The following SLC44A3 variants were observed in gnomAD, a reference collection of about 807,000 sequenced individuals.
SLC44A3 encodes the protein choline transporter-like protein 3.
SLC44A3 carries 74 observed loss-of-function variants against 75.4 expected under a neutral mutation model. The observed-to-expected ratio is 0.98, with a 90% CI of 0.81 to 1.19. The LOEUF is 1.19. SLC44A3 is among the 50% of genes most tolerant of loss of function. The probability of loss-of-function intolerance (pLI) is 0.00; values close to 1 mark genes in which losing one functional copy is unlikely to be tolerated. For missense variants in SLC44A3, 700 were observed against 778.6 expected (o/e 0.90, Z 1.20); for synonymous variants, 310 against 296.9 (o/e 1.04, Z -0.45).
At chr1:94,864,987 G>T in intron 11 of SLC44A3, 88 bp downstream of exon 11, 1 of 1,429,502 alleles carries the variant, frequency 7.0e-7, no homozygotes. Context: ...TCCCAGGACA[G>T]AAATGTGACC....
At chr1:94,886,761 T>A (rs559107388) in intron 12 of SLC44A3, among the ~76,000 whole-genome samples, 2 of 152,258 alleles carry the variant, frequency 1.3e-5, no homozygotes, top group East Asian at 3.9e-4. Flanking sequence ...CAGTCCCAGG[T>A]GACCAGTCCA....
At chr1:94,868,083 A>G (rs985564409) in intron 12 of SLC44A3, among the ~76,000 whole-genome samples, 1 of 152,204 alleles carries the variant, frequency 6.6e-6, no homozygotes, top group Admixed American at 6.5e-5. Flanking sequence ...TAAAAATTAT[A>G]TCTTGCAATT....
intron 9 of SLC44A3, among the ~76,000 whole-genome samples, chr1:94,850,603 T>A (rs1665100360): frequency 6.6e-6 from 1 of 152,212 alleles, no homozygotes; most frequent in African/African-American, 2.4e-5. Flanking sequence ...TCCATAGGTT[T>A]CCCATCAAAT....
At chr1:94,850,187 T>A (rs2101148030) in intron 9 of SLC44A3, among the ~76,000 whole-genome samples, 1 of 152,282 alleles carries the variant, frequency 6.6e-6, no homozygotes, top group East Asian at 1.9e-4. Context: ...AATTCTGACT[T>A]GTTTGGGGAT....
chr1:94,857,462 G>A lies in SLC44A3; in HGVS notation c.1200G>A (p.Met400Ile), dbSNP rs1477051902. ...TSEFILACQQ[M>I]TIAGAVVTCY... ...AATTCATCCTTGCGTGCCAGCAAATGACTATAGCTGGGGCAGTGGTTACTT... is the reference window on the plus strand; with the variant it reads ...AATTCATCCTTGCGTGCCAGCAAATAACTATAGCTGGGGCAGTGGTTACTT... The change falls in exon 10 of 15, where the codon ATG (methionine) becomes ATA (isoleucine). Residue 400 changes from methionine (M) to isoleucine (I), a missense_variant. Transcript: ENST00000271227. 3.7e-6 allele frequency: 6 copies of A among 1,613,492 alleles called. No individual in the cohort carries two copies. In the African/African-American group the frequency reaches 6.7e-5, roughly 18 times the overall value.
intron 10 of SLC44A3, among the ~76,000 whole-genome samples, chr1:94,860,998 G>A (rs757714926): frequency 2.3e-4 from 35 of 152,268 alleles, no homozygotes; most frequent in South Asian, 1.0e-3. Context: ...GTTCGAACAC[G>A]TTAAGAAAAG....
chr1:94,847,247 G>A (rs1287686105), intron 9 of SLC44A3, among the ~76,000 whole-genome samples: 4 of 152,204 alleles, frequency 2.6e-5, no homozygotes, highest in South Asian at 2.1e-4. Flanking sequence ...GTTCTCTAGC[G>A]CTCAAGGACT....
At chr1:94,879,513 CAG>C (rs1165804315) in intron 12 of SLC44A3, among the ~76,000 whole-genome samples, 1 of 132,552 alleles carries the variant, frequency 7.5e-6, no homozygotes, top group African/African-American at 2.9e-5. Context: ...GCCTGGGCGA[CAG>C]AGCGAGACTC....
intron 9 of SLC44A3, among the ~76,000 whole-genome samples, chr1:94,846,148 A>AAG (rs1165262177): frequency 8.9e-6 from 1 of 111,890 alleles, no homozygotes; most frequent in Non-Finnish European, 2.0e-5. Flanking sequence ...CTCTGTCTCA[A>AAG]AAAAAAAAAA....
intron 11 of SLC44A3, 98 bp from the exon 12 acceptor site, chr1:94,867,233 G>A (rs1175279443): frequency 2.0e-6 from 2 of 978,388 alleles, no homozygotes; most frequent in African/African-American, 3.3e-5. Flanking sequence ...TGTTTCCCCA[G>A]GTGCATAAGT....
At chr1:94,852,228 TA>T in intron 9 of SLC44A3, among the ~76,000 whole-genome samples, 1 of 152,200 alleles carries the variant, frequency 6.6e-6, no homozygotes, top group Non-Finnish European at 1.5e-5. Flanking sequence ...GTCAATGTTA[TA>T]GTACTTTAAA....
chr1:94,885,033 G>C (rs1669411753), intron 12 of SLC44A3, among the ~76,000 whole-genome samples: 1 of 152,026 alleles, frequency 6.6e-6, no homozygotes, highest in South Asian at 2.1e-4. Flanking sequence ...ATCACATGAG[G>C]TCAGGAGTTT....
intron 8 of SLC44A3, among the ~76,000 whole-genome samples, chr1:94,843,780 G>A (rs946644013): frequency 2.1e-5 from 3 of 145,732 alleles, no homozygotes; most frequent in South Asian, 4.6e-4. Context: ...CTGGGGTGCC[G>A]TAGATGGATT....
chr1:94,828,045 A>G (rs1307770381), intron 4 of SLC44A3, among the ~76,000 whole-genome samples: 1 of 152,176 alleles, frequency 6.6e-6, no homozygotes, highest in Non-Finnish European at 1.5e-5. Context: ...TGGTCTTTTC[A>G]TGAGATTTTT....
intron 10 of SLC44A3, among the ~76,000 whole-genome samples, chr1:94,858,671 G>A (rs1419270651): frequency 3.2e-5 from 4 of 123,334 alleles, no homozygotes; most frequent in Non-Finnish European, 7.2e-5. Context: ...GAGCACTGTC[G>A]GGTGTTTGTT....
rs1325627819 is a variant in SLC44A3, at chr1:94,820,408, G to A, written c.-44G>A. ...GGCGCTGCGTCTCCGCGTACAGGAG[G>A]CGGCGGCGGCTCCCAGTCACCGGCC... On this transcript the variant is annotated 5_prime_UTR_variant, in exon 1 of 15. Transcript: ENST00000271227. 1.0e-5 allele frequency: 15 copies of A among 1,444,494 alleles called. No homozygotes were observed. Among genetic ancestry groups the A allele is most frequent in the Admixed American group, 2.6e-5 (1 of 38,894 alleles). The allele number at this position is 1,444,494 out of a possible 1,614,324, so 89.5% of individuals were successfully genotyped here. A position where few individuals can be genotyped will look rare whatever the true frequency, so the allele number is the denominator to read the frequency against.
intron 12 of SLC44A3, among the ~76,000 whole-genome samples, chr1:94,870,979 C>G (rs1286155143): frequency 6.6e-6 from 1 of 152,180 alleles, no homozygotes; most frequent in Admixed American, 6.5e-5. Context: ...CCATTCGTGG[C>G]CAGTTGTTAG....
chr1:94,838,757 C>G (rs1663158809), intron 6 of SLC44A3, among the ~76,000 whole-genome samples: 1 of 152,176 alleles, frequency 6.6e-6, no homozygotes, highest in Admixed American at 6.5e-5. Context: ...TTGACTCAAA[C>G]AAGATGCTTT....
At chr1:94,833,111 T>G (rs3860356) in intron 5 of SLC44A3, among the ~76,000 whole-genome samples, 82,036 of 151,398 alleles carry the variant, frequency 0.54, 22,246 homozygotes, top group East Asian at 0.69. Context: ...GTAGTCAGCC[T>G]CCCTTCTCCT....
Sources: gnomAD v4.1 joint callset for allele counts (sites outside exome capture counted in the v4.1 genomes callset) on GRCh38, gnomAD v4.1.1 for gene constraint, MANE v1.5 for transcripts, NCBI Gene and HGNC (gene_info 2026-07-23, HGNC 2026-07-21) for gene names.